The following BEAN1 variants were observed in gnomAD, a reference collection of about 807,000 sequenced individuals.
The protein encoded by BEAN1 is brain expressed associated with NEDD4 1.
BEAN1 carries 17 observed loss-of-function variants against 17.7 expected under a neutral mutation model. The ratio of observed to expected loss-of-function variants is 0.96; its 90% CI spans 0.66 to 1.44. The LOEUF (loss-of-function observed/expected upper bound fraction) is 1.44, where lower values mean the gene tolerates loss of function less well. Ranked by LOEUF, BEAN1 falls within the 40% of genes most tolerant of loss-of-function variation. The probability of loss-of-function intolerance (pLI) is 0.00; values close to 1 mark genes in which losing one functional copy is unlikely to be tolerated. For missense variants in BEAN1, 359 were observed against 374.1 expected (o/e 0.96, Z 0.33); for synonymous variants, 142 against 151.8 (o/e 0.94, Z 0.47).
intron 3 of BEAN1, among the ~76,000 whole-genome samples, chr16:66,476,022 A>C (rs1963727064): frequency 6.6e-6 from 1 of 151,594 alleles, no homozygotes. Context: ...AGGCAGGAGA[A>C]TGGCGTGGAC....
At chr16:66,477,489 G>T (rs1181129469) in intron 3 of BEAN1, 71 bp from the exon 4 acceptor site, 2 of 1,382,060 alleles carry the variant, frequency 1.4e-6, no homozygotes, top group South Asian at 3.1e-5. Context: ...GCCCCAGGTA[G>T]ACCTACAGAC....
chr16:66,435,144 A>G (rs1216117703), intron 1 of BEAN1, among the ~76,000 whole-genome samples: 1 of 152,080 alleles, frequency 6.6e-6, no homozygotes, highest in Non-Finnish European at 1.5e-5. Context: ...CAGAAGGATG[A>G]TCAGCCCAGG....
chr16:66,444,763 C>T (rs1318013084), intron 2 of BEAN1, among the ~76,000 whole-genome samples: 1 of 152,120 alleles, frequency 6.6e-6, no homozygotes, highest in Non-Finnish European at 1.5e-5. Context: ...GTGAGAGTTA[C>T]CATGAGGATT....
intron 1 of BEAN1, among the ~76,000 whole-genome samples, chr16:66,432,060 AAAAC>A (rs531121126): frequency 2.5e-3 from 379 of 152,298 alleles, no homozygotes; most frequent in Middle Eastern, 0.014. Flanking sequence ...TTTTTCTGAA[AAAAC>A]AAACAAACAA....
intron 3 of BEAN1, 120 bp downstream of exon 3, chr16:66,469,985 A>G: frequency 7.3e-7 from 1 of 1,363,310 alleles, no homozygotes; most frequent in Non-Finnish European, 9.8e-7. Flanking sequence ...AAAGCATCCT[A>G]GAAGTCTTGG....
At chr16:66,448,228 GT>G (rs1962527081) in intron 2 of BEAN1, among the ~76,000 whole-genome samples, 1 of 58,166 alleles carries the variant, frequency 1.7e-5, no homozygotes, top group African/African-American at 9.2e-5. Context: ...TGTTGTTGTT[GT>G]TTGTTGTTGT....
Position 66,481,018 on chromosome 16 carries a change from C to T in BEAN1, c.*93C>T, listed in dbSNP as rs572972975. ...GTGCACACACACACAGAGATGCACA[C>T]GTGACTCATAACACACACATAGACC... On this transcript the variant is annotated 3_prime_UTR_variant, in exon 5 of 5. Transcript: ENST00000536005. The surrounding 1 kb of genome is among the most constrained non-coding windows in gnomAD (Gnocchi z 4.1). 134 of 1,127,530 alleles carry T rather than the reference C, an allele frequency of 1.2e-4. No homozygotes were observed. In the African/African-American group the frequency reaches 1.6e-3, roughly 14 times the overall value. 69.8% of individuals were successfully genotyped at this position (1,127,530 alleles called of 1,614,324 possible).
At chr16:66,438,810 C>G (rs540330591) in intron 2 of BEAN1, among the ~76,000 whole-genome samples, 18 of 152,288 alleles carry the variant, frequency 1.2e-4, no homozygotes, top group African/African-American at 3.4e-4. Context: ...CTGAGCCCCC[C>G]CCAAACCACC....
At chr16:66,470,525 G>A (rs989815412) in intron 3 of BEAN1, among the ~76,000 whole-genome samples, 1 of 152,160 alleles carries the variant, frequency 6.6e-6, no homozygotes, top group East Asian at 1.9e-4. Context: ...TGGGCAGTGG[G>A]ATGGGTTGAT....
intron 3 of BEAN1, chr16:66,475,721 G>T (rs964684184): frequency 2.0e-5 from 3 of 152,168 alleles, no homozygotes; most frequent in Admixed American, 6.5e-5. Context: ...CTTTTTTACA[G>T]CATATGTTAT....
chr16:66,432,902 C>T (rs992286726), intron 1 of BEAN1, among the ~76,000 whole-genome samples: 2 of 152,142 alleles, frequency 1.3e-5, no homozygotes, highest in Admixed American at 6.5e-5. Flanking sequence ...TTTCTGCAGC[C>T]GCTGTATCTA....
rs529789502 is a variant in BEAN1, at chr16:66,439,772, G to A, written c.25+2071G>A. Among the ~76,000 whole-genome samples, 3 of 152,264 alleles carry A rather than the reference G, an allele frequency of 2.0e-5. No homozygotes were observed. In the South Asian group the frequency reaches 6.2e-4, roughly 32 times the overall value. On this transcript the variant is annotated intron_variant, in intron 2 of 4. Coordinates refer to ENST00000536005, the MANE Select transcript of BEAN1 (RefSeq NM_001178020.3). The stretch of plus-strand genomic sequence containing the variant: ...CCTGGAGGAGGAGCTAGAGGCCATT[G>A]TCAGGGAGAAGCTGAAGCCCCTGAC...
chr16:66,486,435 A>T (rs545430258), downstream of BEAN1, among the ~76,000 whole-genome samples: 1 of 152,232 alleles, frequency 6.6e-6, no homozygotes, highest in East Asian at 1.9e-4. Context: ...TTGTATTTTT[A>T]GTAGAGACGG....
At chr16:66,448,164 C>G (rs145238889) in intron 2 of BEAN1, among the ~76,000 whole-genome samples, 116 of 152,330 alleles carry the variant, frequency 7.6e-4, no homozygotes, top group African/African-American at 2.7e-3. Context: ...TGAACATCTA[C>G]AGCAAGAACC....
chr16:66,446,205 A>AG (rs938130313), intron 2 of BEAN1, among the ~76,000 whole-genome samples: 2 of 151,660 alleles, frequency 1.3e-5, no homozygotes, highest in African/African-American at 2.4e-5. Flanking sequence ...TAAAAAAAAA[A>AG]GGGGGGACAG....
chr16:66,494,509 C>T (rs1219269788), downstream of BEAN1, among the ~76,000 whole-genome samples: 1 of 152,154 alleles, frequency 6.6e-6, no homozygotes, highest in East Asian at 1.9e-4. Context: ...GTTTTCTGTC[C>T]TCTTCATGTC....
intron 2 of BEAN1, among the ~76,000 whole-genome samples, chr16:66,440,253 C>G (rs1962203129): frequency 6.6e-6 from 1 of 151,848 alleles, no homozygotes. Context: ...ACTCAGCCTC[C>G]CAAGTAGCTG....
At chr16:66,493,223 A>C (rs1332926286) in exon 5 of BEAN1, 1 of 703,026 alleles carries the variant, frequency 1.4e-6, no homozygotes, top group South Asian at 1.5e-5. Flanking sequence ...CAGCAGGCAC[A>C]GCTCAGAGAA....
At chr16:66,452,703 G>A (rs908096422) in intron 2 of BEAN1, among the ~76,000 whole-genome samples, 2 of 152,234 alleles carry the variant, frequency 1.3e-5, no homozygotes, top group African/African-American at 4.8e-5. Context: ...ATTCCAGAGT[G>A]TAGAGAAAAG....
Sources: allele counts gnomAD v4.1 joint callset (sites outside exome capture counted in the v4.1 genomes callset), GRCh38; gene constraint gnomAD v4.1.1; non-coding constraint Gnocchi (gnomAD v3.1); transcripts MANE v1.5; gene names NCBI Gene and HGNC (gene_info 2026-07-23, HGNC 2026-07-21).